The following MAP4 variants were observed in gnomAD, a reference collection of about 807,000 sequenced individuals.
MAP4 encodes the protein microtubule-associated protein 4.
In MAP4, 76 loss-of-function variants were observed where a neutral mutation model predicts 170.2. That is an observed-to-expected ratio of 0.45 (90% CI 0.37 to 0.54). The LOEUF is 0.54. MAP4 is among the 20% of genes least tolerant of loss of function. The pLI is 0.00. For missense variants in MAP4, 2,506 were observed against 2,748.0 expected, an observed-to-expected ratio of 0.91 and a Z score of 1.97; for synonymous variants, 909 against 994.5, an observed-to-expected ratio of 0.91 and a Z score of 1.62.
In MAP4 at chr3:47,911,977, TG is replaced by T. The variant is rs1398886910; in HGVS notation, c.2443del (p.Gln815SerfsTer17). 6.5e-7 allele frequency: 1 copy of T among 1,536,160 alleles called. No individual in the cohort carries two copies. Among genetic ancestry groups the T allele is most frequent in the Non-Finnish European group, 8.7e-7 (1 of 1,146,916 alleles). ...ATATTCTGTACCCATAGTGGTAGGC[TG>T]GCTGGGGAGAACACCTGATTTTTGT... ...DTQKSGVLPS[Q>X]PTTMGTEYGL... On this transcript the variant is annotated frameshift_variant, in exon 9 of 21. Coordinates refer to ENST00000683076, the MANE Select transcript of MAP4 (RefSeq NM_001385682.1). LOFTEE classifies it high-confidence loss of function. The surrounding 1 kb of genome is among the most constrained non-coding windows in gnomAD (Gnocchi z 4.0).
rs2100038605 is a variant in MAP4 at position 47,915,998 on chromosome 3, A to T, written c.1829T>A (p.Leu610Gln). ...GISEDSHLES[L>Q]QDVGQSAAPT... ...TGCAGCTGACTGCCCCACATCCTGC[A>T]GAGATTCTAAATGGGAATCCTCACT... Residue 610 changes from leucine (L) to glutamine (Q), a missense_variant, in exon 7 of 21, where the codon CTG becomes CAG. Leu to Gln is a moderately radical substitution (Grantham distance 113). Transcript: ENST00000683076. 22 of 1,614,092 alleles carry T rather than the reference A, an allele frequency of 1.4e-5. No individual in the cohort carries two copies. The highest frequency in any genetic ancestry group is 1.8e-5 in the Non-Finnish European group (21 of 1,179,918).
chr3:47,901,420 T>C (rs2100029941), intron 10 of MAP4, among the ~76,000 whole-genome samples: 1 of 152,160 alleles, frequency 6.6e-6, no homozygotes, highest in Non-Finnish European at 1.5e-5. Flanking sequence ...CAATAGGCAA[T>C]GTTTATACAC....
chr3:47,930,725 G>A (rs1313194903), intron 3 of MAP4, among the ~76,000 whole-genome samples: 4 of 151,492 alleles, frequency 2.6e-5, no homozygotes, highest in Non-Finnish European at 4.4e-5. Flanking sequence ...TCAGGAAATC[G>A]AGACCATCCT....
At chr3:47,882,011 C>G (rs1225399483) in intron 10 of MAP4, among the ~76,000 whole-genome samples, 1 of 152,340 alleles carries the variant, frequency 6.6e-6, no homozygotes, top group South Asian at 2.1e-4. Flanking sequence ...TACAGTGGCT[C>G]ACGCCTGTAA....
At chr3:47,979,460 C>T (rs1388367410) in intron 2 of MAP4, among the ~76,000 whole-genome samples, 2 of 152,052 alleles carry the variant, frequency 1.3e-5, no homozygotes, top group African/African-American at 4.8e-5. Flanking sequence ...TGTATTTGTA[C>T]AGTAAGTCTT....
chr3:48,030,368 T>A (rs2100115386), intron 1 of MAP4, among the ~76,000 whole-genome samples: 1 of 151,740 alleles, frequency 6.6e-6, no homozygotes, highest in Non-Finnish European at 1.5e-5. Context: ...CATTCTCTGA[T>A]AAAGAAACCA....
chr3:48,030,007 A>T (rs1162856114), intron 1 of MAP4, among the ~76,000 whole-genome samples: 1 of 147,358 alleles, frequency 6.8e-6, no homozygotes, highest in Non-Finnish European at 1.5e-5. Flanking sequence ...AAATATATAT[A>T]TATAATATAT....
chr3:48,049,852 T>G (rs13061904), intron 1 of MAP4, among the ~76,000 whole-genome samples: 1 of 151,966 alleles, frequency 6.6e-6, no homozygotes, highest in South Asian at 2.1e-4. Flanking sequence ...GTAGTAGAAT[T>G]GCTTGAACCC....
intron 1 of MAP4, among the ~76,000 whole-genome samples, chr3:48,068,250 G>C (rs2100139246): frequency 8.7e-6 from 1 of 114,566 alleles, no homozygotes; most frequent in Admixed American, 1.1e-4. Context: ...GGGTAACAGA[G>C]CAAGATTCTG....
chr3:47,917,585 C>CA (rs397877787), intron 6 of MAP4, among the ~76,000 whole-genome samples: 2,882 of 92,562 alleles, frequency 0.031, 68 homozygotes, highest in African/African-American at 0.064. Flanking sequence ...GAGTCCGTCT[C>CA]AAAAAAAAAA....
At chr3:48,019,462 A>T (rs947744121), upstream of MAP4, among the ~76,000 whole-genome samples, 1 of 152,222 alleles carries the variant, frequency 6.6e-6, no homozygotes, top group Non-Finnish European at 1.5e-5. Context: ...ATCAGCTCAT[A>T]TATCTGTCAG....
At chr3:48,035,278 C>A (rs2100118250) in intron 1 of MAP4, among the ~76,000 whole-genome samples, 3 of 117,866 alleles carry the variant, frequency 2.5e-5, no homozygotes, top group African/African-American at 6.2e-5. Flanking sequence ...AATAAAATGA[C>A]AAAATATTAA....
intron 3 of MAP4, among the ~76,000 whole-genome samples, chr3:47,966,228 CTTTTTTTTTTTTTTTTTTTT>C (rs757460367): frequency 2.8e-4 from 14 of 50,260 alleles, no homozygotes; most frequent in Admixed American, 8.8e-4. Flanking sequence ...CCCACACTAC[CTTTTTTTTTTTTTTTTTTTT>C]TTTTTTTTTT....
At chr3:48,046,918 C>A (rs189759944) in intron 1 of MAP4, among the ~76,000 whole-genome samples, 6,703 of 151,836 alleles carry the variant, frequency 0.044, 494 homozygotes, top group African/African-American at 0.15. Flanking sequence ...CACGGTTAAA[C>A]CCCGTCTCTA....
intron 7 of MAP4, among the ~76,000 whole-genome samples, chr3:47,915,199 C>T (rs1440347913): frequency 6.6e-6 from 1 of 151,914 alleles, no homozygotes; most frequent in African/African-American, 2.4e-5. Context: ...TCACCACAAC[C>T]TCCGTCTCCC....
chr3:47,933,185 C>G (rs1400180992), intron 3 of MAP4, among the ~76,000 whole-genome samples: 1 of 151,936 alleles, frequency 6.6e-6, no homozygotes, highest in Non-Finnish European at 1.5e-5. Flanking sequence ...CTAGAACATA[C>G]AGAACTATAA....
chr3:47,938,499 C>T (rs768631940), intron 3 of MAP4, among the ~76,000 whole-genome samples: 44 of 152,104 alleles, frequency 2.9e-4, no homozygotes, highest in Admixed American at 2.9e-3. Context: ...TCAGCTTCTC[C>T]AGTAGCTAAG....
chr3:47,917,585 C>CAAAA (rs397877787), intron 6 of MAP4, among the ~76,000 whole-genome samples: 5 of 92,716 alleles, frequency 5.4e-5, no homozygotes, highest in African/African-American at 1.5e-4. Context: ...GAGTCCGTCT[C>CAAAA]AAAAAAAAAA....
chr3:47,853,468 G>A, intron 19 of MAP4, 116 bp from the exon 20 acceptor site: 3 of 752,110 alleles, frequency 4.0e-6, no homozygotes, highest in Non-Finnish European at 6.3e-6. Flanking sequence ...GCACCCACTG[G>A]CTCAAGGCAC....
Sources: gnomAD v4.1 joint callset for allele counts (sites outside exome capture counted in the v4.1 genomes callset) on GRCh38, gnomAD v4.1.1 for gene constraint, Gnocchi (gnomAD v3.1) non-coding constraint, MANE v1.5 for transcripts, NCBI Gene and HGNC (gene_info 2026-07-23, HGNC 2026-07-21) for gene names.